The following NEGR1 variants were observed in gnomAD, a reference collection of about 807,000 sequenced individuals.
NEGR1 encodes neuronal growth regulator 1, also known as IgLON family member 4.
A neutral mutation model predicts 40.9 loss-of-function variants in NEGR1; 10 were observed. The observed-to-expected ratio is 0.24, with a 90% CI of 0.15 to 0.42. NEGR1 has a LOEUF of 0.42. Among genes scored for constraint, NEGR1 ranks in the 10% least tolerant of loss-of-function variants. The pLI is 1.00. For missense variants in NEGR1, 352 were observed against 438.9 expected (o/e 0.80, Z 1.77); for synonymous variants, 185 against 166.8 (o/e 1.11, Z -0.84).
At chr1:71,451,648 A>G (rs1028230202) in intron 6 of NEGR1, among the ~76,000 whole-genome samples, 18 of 152,134 alleles carry the variant, frequency 1.2e-4, no homozygotes, top group African/African-American at 4.1e-4. Context: ...CTCCACAGGG[A>G]CTAGCTGTTG....
At chr1:72,127,815 T>C (rs1301913160) in intron 1 of NEGR1, among the ~76,000 whole-genome samples, 1 of 152,184 alleles carries the variant, frequency 6.6e-6, no homozygotes, top group Non-Finnish European at 1.5e-5. Context: ...TATCTTCATA[T>C]ACAACTATTT....
At chr1:71,773,204 T>C (rs967024622) in intron 3 of NEGR1, among the ~76,000 whole-genome samples, 5 of 152,186 alleles carry the variant, frequency 3.3e-5, no homozygotes, top group Non-Finnish European at 7.3e-5. Context: ...TTACTGATTT[T>C]TAAAACTGGA....
At chr1:71,525,375 T>C (rs768102665) in intron 6 of NEGR1, among the ~76,000 whole-genome samples, 4 of 151,722 alleles carry the variant, frequency 2.6e-5, no homozygotes, top group African/African-American at 9.7e-5. Flanking sequence ...AGATATATTT[T>C]TGAAATGCTC....
At chr1:71,962,651 C>T (rs969459987) in intron 1 of NEGR1, among the ~76,000 whole-genome samples, 1 of 151,992 alleles carries the variant, frequency 6.6e-6, no homozygotes, top group Non-Finnish European at 1.5e-5. Context: ...AAGCATATCT[C>T]ATTATAGCAT....
At chr1:71,671,023 C>T (rs1652407637) in intron 4 of NEGR1, among the ~76,000 whole-genome samples, 1 of 152,128 alleles carries the variant, frequency 6.6e-6, no homozygotes, top group Admixed American at 6.5e-5. Context: ...CACTGTTGGA[C>T]ACTGAACTCA....
intron 1 of NEGR1, among the ~76,000 whole-genome samples, chr1:72,257,500 C>T (rs969667187): frequency 2.6e-5 from 4 of 152,068 alleles, no homozygotes; most frequent in African/African-American, 7.2e-5. Context: ...AATATACATA[C>T]GTAACATGTT....
At chr1:71,451,256 C>T (rs1646625787) in intron 6 of NEGR1, among the ~76,000 whole-genome samples, 1 of 151,622 alleles carries the variant, frequency 6.6e-6, no homozygotes, top group Non-Finnish European at 1.5e-5. Context: ...GGTTTTTTTA[C>T]TTTAGCTAAT....
At chr1:72,193,514 C>G (rs1012910929) in intron 1 of NEGR1, among the ~76,000 whole-genome samples, 4 of 151,628 alleles carry the variant, frequency 2.6e-5, no homozygotes, top group African/African-American at 9.7e-5. Flanking sequence ...CTCCTGATAT[C>G]AACACCATCA....
At chr1:71,894,776 C>T (rs1018602062) in intron 2 of NEGR1, among the ~76,000 whole-genome samples, 1 of 152,142 alleles carries the variant, frequency 6.6e-6, no homozygotes, top group South Asian at 2.1e-4. Flanking sequence ...CACGTGGTGG[C>T]TCATGCCTGT....
intron 2 of NEGR1, among the ~76,000 whole-genome samples, chr1:71,809,365 A>C (rs774359161): frequency 6.6e-6 from 1 of 152,320 alleles, no homozygotes; most frequent in African/African-American, 2.4e-5. Context: ...TTGCTTTTCA[A>C]AGAGTGATTT....
At chr1:71,787,741 T>C (rs892686450) in intron 2 of NEGR1, among the ~76,000 whole-genome samples, 2 of 152,176 alleles carry the variant, frequency 1.3e-5, no homozygotes, top group Non-Finnish European at 2.9e-5. Flanking sequence ...TGCAGATTTG[T>C]GTGTGTACAA....
At chr1:71,755,413 A>G (rs1304550725) in intron 3 of NEGR1, among the ~76,000 whole-genome samples, 1 of 152,196 alleles carries the variant, frequency 6.6e-6, no homozygotes, top group African/African-American at 2.4e-5. Context: ...TTAAAATTAA[A>G]TCACATCATT....
intron 6 of NEGR1, among the ~76,000 whole-genome samples, chr1:71,538,819 G>GTTA (rs1557559467): frequency 3.3e-5 from 5 of 151,734 alleles, no homozygotes; most frequent in African/African-American, 1.2e-4. Context: ...TACACAAGTT[G>GTTA]TTACTGTCTA....
intron 2 of NEGR1, among the ~76,000 whole-genome samples, chr1:71,878,443 C>T (rs191863378): frequency 4.9e-4 from 75 of 152,222 alleles, no homozygotes; most frequent in African/African-American, 1.7e-3. Context: ...TTAACAAGTT[C>T]TCAGGAATGT....
intron 4 of NEGR1, among the ~76,000 whole-genome samples, chr1:71,639,890 C>T (rs1462193347): frequency 6.6e-6 from 1 of 151,986 alleles, no homozygotes. Flanking sequence ...AAAATCAGGC[C>T]ACTCTTCTTA....
In NEGR1 at chr1:71,676,343, T is replaced by C. The variant is rs534806220; in HGVS notation, c.667+21665A>G. Among the ~76,000 whole-genome samples the C allele has an allele frequency of 5.0e-4, 75 of 151,162 alleles. No individual in the cohort carries two copies. The South Asian group carries it at 5.9e-3, about 12-fold the overall frequency. On this transcript the variant is annotated intron_variant, in intron 4 of 6. Coordinates refer to ENST00000357731, the MANE Select transcript of NEGR1 (RefSeq NM_173808.3). ...TGTCTTCTAAATTTTAACTCTCAAC[T>C]AAAAACTATTATCGTCTGGTAAAAA...
intron 2 of NEGR1, among the ~76,000 whole-genome samples, chr1:71,840,260 T>C (rs1659191548): frequency 6.6e-6 from 1 of 152,122 alleles, no homozygotes; most frequent in Non-Finnish European, 1.5e-5. Flanking sequence ...GCTGCAAATA[T>C]GCTTAGAATT....
chr1:71,798,321 C>A (rs1657416138), intron 2 of NEGR1: 2 of 151,800 alleles, frequency 1.3e-5, no homozygotes, highest in Admixed American at 1.3e-4. Context: ...GGTGAATATC[C>A]TCTTAACTGA....
chr1:71,619,099 C>T (rs1280285613), intron 4 of NEGR1, among the ~76,000 whole-genome samples: 1 of 152,040 alleles, frequency 6.6e-6, no homozygotes, highest in Non-Finnish European at 1.5e-5. Flanking sequence ...TCATTTATTT[C>T]CCTGGAACAG....
Sources: gnomAD v4.1 joint callset for allele counts (sites outside exome capture counted in the v4.1 genomes callset) on GRCh38, gnomAD v4.1.1 for gene constraint, MANE v1.5 for transcripts, NCBI Gene and HGNC (gene_info 2026-07-23, HGNC 2026-07-21) for gene names.